HMGB1: variants seen among roughly 807,000 people sequenced by gnomAD.
The protein encoded by HMGB1 is high mobility group protein B1.
For synonymous variants in HMGB1, 81 were observed against 84.0 expected, an observed-to-expected ratio of 0.96 and a Z score of 0.19; for missense variants, 79 against 253.5, an observed-to-expected ratio of 0.31 and a Z score of 4.67.
At chr13:30,617,503 C>G (rs1391011219) in exon 1 of HMGB1, 1 of 152,298 alleles carries the variant, frequency 6.6e-6, no homozygotes, top group Non-Finnish European at 1.5e-5. Flanking sequence ...CGCGGGTCAC[C>G]CCAGGAACCA....
At chr13:30,593,076 T>C (rs1871438723) in intron 1 of HMGB1, among the ~76,000 whole-genome samples, 1 of 152,234 alleles carries the variant, frequency 6.6e-6, no homozygotes, top group Non-Finnish European at 1.5e-5. Flanking sequence ...GGCTTAGTCA[T>C]TTTTAATGCA....
intron 1 of HMGB1, among the ~76,000 whole-genome samples, chr13:30,550,805 C>A (rs944167661): frequency 5.9e-5 from 9 of 152,174 alleles, no homozygotes; most frequent in African/African-American, 1.2e-4. Flanking sequence ...TTTGTACGTT[C>A]TTTAAATTCA....
intron 1 of HMGB1, chr13:30,554,655 G>A (rs183116095): frequency 1.2e-5 from 9 of 771,826 alleles, no homozygotes; most frequent in South Asian, 6.7e-5. Context: ...ACAGGTGACC[G>A]ATGTACAGTA....
In HMGB1 at chr13:30,504,238, G is replaced by A. The variant is rs189421008; in HGVS notation, c.-14-40544C>T. On this transcript the variant is annotated intron_variant, in intron 1 of 4. Coordinates refer to the HMGB1 transcript ENST00000405805. ...TGTGAATTACCCCACCCCAGCCTGTGACAAAAGCTCCACCCAAAACATCTG... is the reference window on the plus strand; with the variant it reads ...TGTGAATTACCCCACCCCAGCCTGTAACAAAAGCTCCACCCAAAACATCTG... Among the ~76,000 whole-genome samples, 18 of 152,270 alleles carry A rather than the reference G, an allele frequency of 1.2e-4. No homozygotes were observed. In the East Asian group the frequency reaches 3.5e-3, roughly 29 times the overall value.
intron 1 of HMGB1, among the ~76,000 whole-genome samples, chr13:30,582,905 A>G (rs966090968): frequency 1.3e-5 from 2 of 152,144 alleles, no homozygotes; most frequent in African/African-American, 4.8e-5. Context: ...AATCTAACAC[A>G]TATCCTACTA....
intron 1 of HMGB1, among the ~76,000 whole-genome samples, chr13:30,509,839 T>C (rs1395886755): frequency 1.3e-5 from 2 of 152,184 alleles, no homozygotes; most frequent in African/African-American, 4.8e-5. Flanking sequence ...TCATTTCCCG[T>C]AGCAAGAAAC....
rs577983392 is a variant in HMGB1, at chr13:30,509,246, C to CTTTTTTTTTTTTT, written c.-14-45553_-14-45552insAAAAAAAAAAAAA. On this transcript the variant is annotated intron_variant, in intron 1 of 4. Transcript: ENST00000405805. Reference sequence around the variant, plus strand: ...AGTCACTGCGCCCAGCACCAATATTCTTTTTTTTTTGAGATGGAATCTCAC... The same window carrying CTTTTTTTTTTTTT: ...AGTCACTGCGCCCAGCACCAATATTCTTTTTTTTTTTTTTTTTTTTTTTGAGATGGAATCTCAC... Among the ~76,000 whole-genome samples, 730 of 142,958 alleles carry CTTTTTTTTTTTTT rather than the reference C, an allele frequency of 5.1e-3. 15 individuals are homozygous for CTTTTTTTTTTTTT. The highest frequency in any genetic ancestry group is 0.013 in the African/African-American group (493 of 37,852). 93.8% of individuals were successfully genotyped at this position (142,958 alleles called of 152,430 possible). A position where few individuals can be genotyped will look rare whatever the true frequency, so the allele number is the denominator to read the frequency against.
chr13:30,491,110 C>A (rs1468597447), intron 1 of HMGB1, among the ~76,000 whole-genome samples: 1 of 152,034 alleles, frequency 6.6e-6, no homozygotes, highest in Non-Finnish European at 1.5e-5. Context: ...CTCACTGCAA[C>A]CTCTGCCTCC....
At chr13:30,591,387 T>A (rs1298633942) in intron 1 of HMGB1, among the ~76,000 whole-genome samples, 1 of 152,166 alleles carries the variant, frequency 6.6e-6, no homozygotes, top group Non-Finnish European at 1.5e-5. Context: ...ATAAAATGTA[T>A]GATATCCAGT....
intron 1 of HMGB1, among the ~76,000 whole-genome samples, chr13:30,483,424 C>G (rs1391696193): frequency 6.6e-6 from 1 of 152,078 alleles, no homozygotes; most frequent in African/African-American, 2.4e-5. Flanking sequence ...TAATGTGTGT[C>G]TCTGATCCCT....
intron 1 of HMGB1, among the ~76,000 whole-genome samples, chr13:30,495,480 CT>C (rs68170969): frequency 0.43 from 57,098 of 134,134 alleles, 11,747 homozygotes; most frequent in South Asian, 0.52. Flanking sequence ...TTTTTCTTTT[CT>C]TTTTTTTTTT....
At chr13:30,575,060 T>G (rs1427635950) in intron 1 of HMGB1, among the ~76,000 whole-genome samples, 1 of 152,196 alleles carries the variant, frequency 6.6e-6, no homozygotes, top group Non-Finnish European at 1.5e-5. Flanking sequence ...AAACTCCGAG[T>G]AAAAGTATCT....
At chr13:30,575,699 T>C (rs1294063461) in intron 1 of HMGB1, among the ~76,000 whole-genome samples, 1 of 152,128 alleles carries the variant, frequency 6.6e-6, no homozygotes, top group Non-Finnish European at 1.5e-5. Flanking sequence ...AGTACTGCTA[T>C]GTATCTAATG....
chr13:30,516,265 A>G (rs80327463), intron 1 of HMGB1, among the ~76,000 whole-genome samples: 2 of 152,358 alleles, frequency 1.3e-5, no homozygotes, highest in East Asian at 3.9e-4. Flanking sequence ...TACAAGGAAT[A>G]TTTCAGAAGT....
chr13:30,564,071 C>T (rs1870077857), intron 1 of HMGB1, among the ~76,000 whole-genome samples: 4 of 151,840 alleles, frequency 2.6e-5, no homozygotes, highest in Admixed American at 6.6e-5. Context: ...TTTTTGGAAT[C>T]AATATTAAAA....
chr13:30,483,675 A>G (rs546347050), intron 1 of HMGB1, among the ~76,000 whole-genome samples: 2 of 144,930 alleles, frequency 1.4e-5, no homozygotes, highest in Admixed American at 7.3e-5. Context: ...GTGCAGTGAC[A>G]TCATCTGGGC....
upstream of HMGB1, among the ~76,000 whole-genome samples, chr13:30,468,382 G>A (rs952118347): frequency 1.6e-4 from 24 of 152,242 alleles, no homozygotes; most frequent in African/African-American, 5.8e-4. Flanking sequence ...AGCCTCCCGA[G>A]TAGCTGGGAA....
At chr13:30,612,358 G>A (rs1950520726) in intron 1 of HMGB1, among the ~76,000 whole-genome samples, 1 of 152,144 alleles carries the variant, frequency 6.6e-6, no homozygotes, top group Admixed American at 6.6e-5. Flanking sequence ...CTCGAGCTAA[G>A]ACTCCAAGGA....
At chr13:30,587,450 T>C (rs545019006) in intron 1 of HMGB1, among the ~76,000 whole-genome samples, 59 of 152,318 alleles carry the variant, frequency 3.9e-4, no homozygotes, top group African/African-American at 1.4e-3. Flanking sequence ...GCTTGCCAAG[T>C]AGCTGGGACT....
Sources: allele counts gnomAD v4.1 joint callset (sites outside exome capture counted in the v4.1 genomes callset), GRCh38; gene constraint gnomAD v4.1.1; transcripts MANE v1.5; gene names NCBI Gene and HGNC (gene_info 2026-07-23, HGNC 2026-07-21).